The following PSG1 variants were observed in gnomAD, a reference collection of about 807,000 sequenced individuals.
The protein encoded by PSG1 is pregnancy specific beta-1-glycoprotein 1.
A neutral mutation model predicts 41.4 loss-of-function variants in PSG1; 60 were observed. The ratio of observed to expected loss-of-function variants is 1.45; its 90% CI spans 1.18 to 1.80. The LOEUF (loss-of-function observed/expected upper bound fraction) is 1.80. PSG1 is among the 40% of genes most tolerant of loss of function. The pLI, the probability that PSG1 is intolerant of heterozygous loss-of-function variation, is 0.00. For missense variants in PSG1, 806 were observed against 516.9 expected, an observed-to-expected ratio of 1.56 and a Z score of -5.42; for synonymous variants, 256 against 192.9, an observed-to-expected ratio of 1.33 and a Z score of -2.71.
intron 5 of PSG1, 126 bp from the exon 6 acceptor site, chr19:42,867,276 A>G (rs1971171838): frequency 1.4e-6 from 1 of 696,992 alleles, no homozygotes; most frequent in Admixed American, 2.1e-5. Context: ...ACCAATGATA[A>G]TTTCAGTAGA....
At chr19:42,877,463 C>T (rs1450294490) in intron 2 of PSG1, among the ~76,000 whole-genome samples, 6 of 151,632 alleles carry the variant, frequency 4.0e-5, no homozygotes, top group African/African-American at 1.5e-4. Flanking sequence ...AGCCACAACC[C>T]AGTCCCAGCA....
At position 42,879,463 on chromosome 19, in the gene PSG1, C is replaced by A. The variant is rs554433848; in HGVS notation, c.64+55G>T. 1.8e-3 allele frequency: 2,875 copies of A among 1,598,064 alleles called. 57 individuals are homozygous for A. Among genetic ancestry groups the A allele is most frequent in the Non-Finnish European group, 2.1e-3 (2,460 of 1,168,888 alleles). On this transcript the variant is annotated intron_variant, in intron 1 of 5. Transcript: ENST00000436291. ...GAACCCCATCCTCTCCAGGAGACCC[C>A]ATCCAGTCACTCTGCTTCCTCCTCC...
At chr19:42,873,953 G>A (rs764741791) in intron 2 of PSG1, 1 of 151,502 alleles carries the variant, frequency 6.6e-6, no homozygotes, top group African/African-American at 2.4e-5. Flanking sequence ...AAGTGAGATG[G>A]CAATGGCTCT....
chr19:42,876,356 G>T lies in PSG1; in HGVS notation c.430+1557C>A, dbSNP rs974818990. On this transcript the variant is annotated intron_variant, in intron 2 of 5. Transcript: ENST00000436291. ...TCGAGAACCCTCCGGTGGCTTAAGA[G>T]CTTCAGAATTACATGAGGTGGGGTG... Among the ~76,000 whole-genome samples, 2 of 151,286 alleles carry T rather than the reference G, an allele frequency of 1.3e-5. 1 individual carries two copies. Among genetic ancestry groups the T allele is most frequent in the African/African-American group, 4.9e-5 (2 of 41,120 alleles).
At chr19:42,871,619 G>C in intron 3 of PSG1, 148 bp downstream of exon 3, 1 of 1,584,426 alleles carries the variant, frequency 6.3e-7, no homozygotes, top group South Asian at 1.1e-5. Flanking sequence ...GTCTACTCTG[G>C]TTTGCCTGGG....
In PSG1 at chr19:42,877,378, G is replaced by A. The variant is rs540868900; in HGVS notation, c.430+535C>T. 1.6e-4 allele frequency among the ~76,000 whole-genome samples: 24 copies of A among 151,744 alleles called. 1 individual carries two copies. Among genetic ancestry groups the A allele is most frequent in the African/African-American group, 4.8e-4 (20 of 41,366 alleles). On this transcript the variant is annotated intron_variant, in intron 2 of 5. Coordinates refer to ENST00000436291, the MANE Select transcript of PSG1 (RefSeq NM_001184825.2). ...ATGAGGCTCTGAGGGCTGAGCCCTG[G>A]CTGGTGAACAGCTCCAGGAGACACA...
At chr19:42,873,489 CA>C (rs1182579017) in intron 2 of PSG1, among the ~76,000 whole-genome samples, 2 of 151,148 alleles carry the variant, frequency 1.3e-5, no homozygotes, top group East Asian at 3.9e-4. Context: ...ACTCTAGTAA[CA>C]AAAAAAATTT....
rs369108196 is a variant in PSG1, at chr19:42,874,314, C to A, written c.431-2269G>T. Reference sequence around the variant, plus strand: ...CTTTCCACAGCTGTGTGCAGTCTACCAGTAAGCATCAAAAGCATTCTTCAT... The same window carrying A: ...CTTTCCACAGCTGTGTGCAGTCTACAAGTAAGCATCAAAAGCATTCTTCAT... On this transcript the variant is annotated intron_variant, in intron 2 of 5. Coordinates refer to ENST00000436291, the MANE Select transcript of PSG1 (RefSeq NM_001184825.2). Among the ~76,000 whole-genome samples the A allele has an allele frequency of 1.5e-4, 22 of 151,578 alleles. 1 individual carries two copies. Among genetic ancestry groups the A allele is most frequent in the African/African-American group, 4.8e-4 (20 of 41,312 alleles).
At position 42,867,685 on chromosome 19, in the gene PSG1, A is replaced by G. The variant is rs774234554; in HGVS notation, c.1243+416T>C. ...CCCAATTCTGGGGCAGTCAGGTAGA[A>G]AGCAAAAGTAAATGTTTCAATTACG... On this transcript the variant is annotated intron_variant, in intron 5 of 5. Coordinates refer to ENST00000436291, the MANE Select transcript of PSG1 (RefSeq NM_001184825.2). The G allele has an allele frequency of 2.7e-5, 21 of 788,292 alleles. 1 individual carries two copies. Among genetic ancestry groups the G allele is most frequent in the South Asian group, 1.7e-4 (12 of 72,680 alleles). 48.8% of individuals were successfully genotyped at this position (788,292 alleles called of 1,614,324 possible).
chr19:42,875,587 C>T lies in PSG1; in HGVS notation c.430+2326G>A, dbSNP rs147372906. Among the ~76,000 whole-genome samples the T allele has an allele frequency of 8.3e-3, 1,260 of 151,566 alleles. 33 individuals are homozygous for T. The highest frequency in any genetic ancestry group is 0.021 in the African/African-American group (864 of 41,326). On this transcript the variant is annotated intron_variant, in intron 2 of 5. Coordinates refer to ENST00000436291, the MANE Select transcript of PSG1 (RefSeq NM_001184825.2). ...GTCCCTACCTAGAGGCAGATTCAAG[C>T]ACAAACAGATCATGTCCCCCTGCCC...
At chr19:42,873,558 T>G (rs1421439235) in intron 2 of PSG1, among the ~76,000 whole-genome samples, 2 of 151,906 alleles carry the variant, frequency 1.3e-5, no homozygotes, top group Admixed American at 6.6e-5. Context: ...TCCAAACATC[T>G]AAGATCAATT....
chr19:42,867,859 A>G, intron 5 of PSG1: 1 of 1,334,594 alleles, frequency 7.5e-7, no homozygotes, highest in Non-Finnish European at 1.0e-6. Flanking sequence ...ATTATCAATT[A>G]TTTCAATGAA....
At chr19:42,878,445 A>T (rs7508014) in intron 1 of PSG1, 167 bp from the exon 2 acceptor site, 18 of 1,195,628 alleles carry the variant, frequency 1.5e-5, no homozygotes, top group Middle Eastern at 5.7e-4. Flanking sequence ...GGCATGTGTG[A>T]TTGTGTGTGT....
intron 3 of PSG1, among the ~76,000 whole-genome samples, chr19:42,871,343 G>A (rs1161478859): frequency 1.3e-5 from 2 of 151,636 alleles, no homozygotes; most frequent in African/African-American, 4.8e-5. Flanking sequence ...GGAAGAAATG[G>A]TGGGGGCATC....
chr19:42,871,665 A>C, intron 3 of PSG1, 102 bp downstream of exon 3: 5 of 1,610,862 alleles, frequency 3.1e-6, no homozygotes, highest in Non-Finnish European at 4.2e-6. Context: ...GTCCAGGGGT[A>C]AAGGTCTCTG....
chr19:42,869,474 G>C (rs1971289702), intron 3 of PSG1: 4 of 204,440 alleles, frequency 2.0e-5, no homozygotes, highest in Admixed American at 5.2e-5. Flanking sequence ...TTCTAGAGAT[G>C]AGTAATAATG....
chr19:42,868,993 G>T lies in PSG1; in HGVS notation c.751C>A (p.Pro251Thr), dbSNP rs368473411. ...TTTAAGACATCCTTATTCTCCCTGG[G>T]GTTTAAGTTGTTGATGGTGATGTAG... Reference protein sequence around the residue: ...KPYITINNLNPRENKDVLNFT... With the variant: ...KPYITINNLNTRENKDVLNFT... The change falls in exon 4 of 6, where the codon CCC becomes ACC. Residue 251 changes from proline (P) to threonine (T), a missense_variant. By Grantham distance (38) the Pro-to-Thr change is conservative (BLOSUM62 -1). Transcript: ENST00000436291. The T allele has an allele frequency of 6.2e-7, 1 of 1,610,632 alleles. No homozygotes were observed. Among genetic ancestry groups the T allele is most frequent in the South Asian group, 1.1e-5 (1 of 90,718 alleles).
intron 3 of PSG1, chr19:42,869,357 A>C (rs1971283474): frequency 2.2e-6 from 1 of 454,714 alleles, no homozygotes; most frequent in African/African-American, 1.9e-5. Flanking sequence ...TGGCTGGCTC[A>C]CCTTGGGTTC....
Position 42,867,094 on chromosome 19 carries a change from A to G in PSG1, c.*40T>C, listed in dbSNP as rs1473028143. ...AACAGAGTGGGTCTTGCTCTTAGTG[A>G]TTCCATGGGAGAAAATGGAATTGGA... On this transcript the variant is annotated 3_prime_UTR_variant, in exon 6 of 6. Coordinates refer to ENST00000436291, the MANE Select transcript of PSG1 (RefSeq NM_001184825.2). 1 of 772,770 alleles carries G rather than the reference A, an allele frequency of 1.3e-6. No individual in the cohort carries two copies. Among genetic ancestry groups the G allele is most frequent in the East Asian group, 2.4e-5 (1 of 41,168 alleles). The allele number at this position is 772,770 out of a possible 1,614,324, so 47.9% of individuals were successfully genotyped here.
Sources: allele counts gnomAD v4.1 joint callset (sites outside exome capture counted in the v4.1 genomes callset), GRCh38; gene constraint gnomAD v4.1.1; transcripts MANE v1.5; gene names NCBI Gene and HGNC (gene_info 2026-07-23, HGNC 2026-07-21).